The following PTPN21 variants were observed in gnomAD, a reference collection of about 807,000 sequenced individuals.
PTPN21 encodes the protein protein tyrosine phosphatase non-receptor type 21.
A neutral mutation model predicts 131.8 loss-of-function variants in PTPN21; 77 were observed. The observed-to-expected ratio is 0.58, with a 90% confidence interval of 0.49 to 0.71. The LOEUF (loss-of-function observed/expected upper bound fraction) is 0.71, where lower values mean the gene tolerates loss of function less well. Ranked by LOEUF, PTPN21 falls within the 30% of genes least tolerant of loss-of-function variation. The pLI is 0.00. For missense variants in PTPN21, 1,552 were observed against 1,527.1 expected (o/e 1.02, Z -0.27); for synonymous variants, 715 against 621.3 (o/e 1.15, Z -2.24).
At chr14:88,523,107 C>G (rs762054304) in intron 2 of PTPN21, among the ~76,000 whole-genome samples, 4 of 152,112 alleles carry the variant, frequency 2.6e-5, no homozygotes, top group African/African-American at 7.2e-5. Flanking sequence ...TATAGGCCAG[C>G]ATTACCCCAA....
intron 10 of PTPN21, among the ~76,000 whole-genome samples, chr14:88,494,471 C>A (rs942517690): frequency 6.6e-6 from 1 of 151,818 alleles, no homozygotes; most frequent in East Asian, 1.9e-4. Flanking sequence ...AGTTTGAGAC[C>A]GGTGTGGGTA....
chr14:88,551,429 C>T (rs1395252502), intron 1 of PTPN21: 1 of 152,368 alleles, frequency 6.6e-6, no homozygotes, highest in Non-Finnish European at 1.5e-5. Context: ...AGCACTCAGG[C>T]CCCGGCTTCT....
At chr14:88,490,025 T>C (rs78091916) in intron 10 of PTPN21, among the ~76,000 whole-genome samples, 1 of 151,638 alleles carries the variant, frequency 6.6e-6, no homozygotes, top group Non-Finnish European at 1.5e-5. Flanking sequence ...TTTTTTTTTT[T>C]GGAGATGGAG....
In PTPN21 at chr14:88,469,134, G is replaced by T; in HGVS notation, c.3236-58C>A. The stretch of plus-strand genomic sequence containing the variant: ...AAGGATCAAGGCGTATCACATTGTT[G>T]ACTCAATCTTCATATTCTCTCCACT... On this transcript the variant is annotated intron_variant, in intron 17 of 18. Transcript: ENST00000556564. The surrounding 1 kb of genome is among the most constrained non-coding windows in gnomAD (Gnocchi z 4.3). The T allele has an allele frequency of 6.5e-7, 1 of 1,530,688 alleles. No individual in the cohort carries two copies. Among genetic ancestry groups the T allele is most frequent in the South Asian group, 1.2e-5 (1 of 81,144 alleles). 94.8% of individuals were successfully genotyped at this position (1,530,688 alleles called of 1,614,324 possible). A position where few individuals can be genotyped will look rare whatever the true frequency, so the allele number is the denominator to read the frequency against.
chr14:88,502,433 C>T (rs1346388317), intron 6 of PTPN21, among the ~76,000 whole-genome samples: 2 of 152,180 alleles, frequency 1.3e-5, no homozygotes, highest in African/African-American at 4.8e-5. Context: ...AGTCCCAACA[C>T]ATTCCGCCCA....
intron 2 of PTPN21, among the ~76,000 whole-genome samples, chr14:88,527,446 TA>T (rs2078495912): frequency 2.6e-5 from 4 of 152,218 alleles, no homozygotes; most frequent in Non-Finnish European, 4.4e-5. Context: ...GGGCCATTTG[TA>T]TATCTTCTTT....
At chr14:88,532,655 G>A (rs182595326) in intron 2 of PTPN21, among the ~76,000 whole-genome samples, 4 of 152,002 alleles carry the variant, frequency 2.6e-5, no homozygotes, top group East Asian at 1.9e-4. Context: ...TGAGTTTAGC[G>A]ATTTGGTAAT....
In PTPN21 at chr14:88,467,980, G is replaced by C. The variant is rs2077390990; in HGVS notation, c.*157C>G. 2.1e-6 allele frequency: 2 copies of C among 964,660 alleles called. No individual in the cohort carries two copies. Among genetic ancestry groups the C allele is most frequent in the Admixed American group, 4.5e-5 (2 of 44,698 alleles). 59.8% of individuals were successfully genotyped at this position (964,660 alleles called of 1,614,324 possible). On this transcript the variant is annotated 3_prime_UTR_variant, in exon 19 of 19. Coordinates refer to ENST00000556564, the MANE Select transcript of PTPN21 (RefSeq NM_007039.4). ...CCCCTCTTCAGCCTGTGCTTCGCAC[G>C]TTTCCTTCAGCGTGCCGCCATTCAG... is the stretch of plus-strand genomic sequence containing the variant.
intron 2 of PTPN21, among the ~76,000 whole-genome samples, chr14:88,520,144 G>C (rs759343241): frequency 2.0e-5 from 3 of 152,180 alleles, no homozygotes; most frequent in Non-Finnish European, 4.4e-5. Flanking sequence ...GGCTGGGTGT[G>C]GTGGCACACA....
intron 3 of PTPN21, among the ~76,000 whole-genome samples, chr14:88,508,238 T>C (rs1672130069): frequency 6.6e-6 from 1 of 151,636 alleles, no homozygotes; most frequent in Non-Finnish European, 1.5e-5. Flanking sequence ...AGCGTCAACC[T>C]TCCTAAGCTT....
rs1477921858 is a variant in PTPN21 at position 88,479,452 on chromosome 14, G to A, written c.1979C>T (p.Ser660Leu). Residue 660 changes from serine to leucine, a missense_variant, in exon 13 of 19, where the codon TCG (serine) becomes TTG (leucine). Ser to Leu is a moderately radical substitution (Grantham distance 145). Coordinates refer to ENST00000556564, the MANE Select transcript of PTPN21 (RefSeq NM_007039.4). The stretch of plus-strand genomic sequence containing the variant: ...GGCTCGCGGCGCCACCTCTGCCGCC[G>A]ACGCGGATAGGGTGCGCTCCTTGAG... ...LRLKERTLSA[S>L]AAEVAPRAVS... 1 of 1,602,112 alleles carries A rather than the reference G, an allele frequency of 6.2e-7. No individual in the cohort carries two copies. The highest frequency in any genetic ancestry group is 2.2e-5 in the East Asian group (1 of 44,758).
chr14:88,508,222 C>G (rs1418266748), intron 3 of PTPN21, among the ~76,000 whole-genome samples: 1 of 150,942 alleles, frequency 6.6e-6, no homozygotes, highest in Non-Finnish European at 1.5e-5. Flanking sequence ...GATTACTGCT[C>G]ACTGTAGCGT....
intron 10 of PTPN21, among the ~76,000 whole-genome samples, chr14:88,495,301 C>T (rs2140122214): frequency 6.6e-6 from 1 of 152,252 alleles, no homozygotes; most frequent in Non-Finnish European, 1.5e-5. Flanking sequence ...ATATATTCAC[C>T]ACAACTTTCA....
chr14:88,516,362 C>T (rs996184883), intron 3 of PTPN21, among the ~76,000 whole-genome samples: 3 of 151,956 alleles, frequency 2.0e-5, no homozygotes, highest in African/African-American at 7.3e-5. Flanking sequence ...GTTTCGGGCC[C>T]TTGAAGTAGC....
chr14:88,546,230 G>A (rs777717684), intron 2 of PTPN21, among the ~76,000 whole-genome samples: 27 of 151,442 alleles, frequency 1.8e-4, no homozygotes, highest in Non-Finnish European at 3.1e-4. Flanking sequence ...GAAACCCCTG[G>A]GTATAGTGTT....
At position 88,479,496 on chromosome 14, in the gene PTPN21, G is replaced by A. The variant is rs775546063; in HGVS notation, c.1935C>T (p.His645=). 5.0e-6 allele frequency: 8 copies of A among 1,601,386 alleles called. No individual in the cohort carries two copies. In the East Asian group the frequency reaches 1.6e-4, roughly 31 times the overall value. Residue 645 remains histidine (H), a synonymous_variant, in exon 13 of 19, where the codon CAC becomes CAT. Transcript: ENST00000556564. ...RNSIEVAGLS[H]GLEGLRLKER... ...CCTTGAGCCGCAGGCCCTCCAGGCC[G>A]TGGCTGAGCCCGGCCACCTCGATGC...
chr14:88,485,644 C>T (rs778492791), intron 11 of PTPN21, 138 bp downstream of exon 11: 5 of 527,012 alleles, frequency 9.5e-6, no homozygotes, highest in Non-Finnish European at 1.6e-5. Context: ...AAAAAATTAC[C>T]ATTTCTTTGG....
At chr14:88,501,877 T>C (rs2078014059) in intron 6 of PTPN21, among the ~76,000 whole-genome samples, 1 of 151,548 alleles carries the variant, frequency 6.6e-6, no homozygotes, top group Admixed American at 6.6e-5. Context: ...CCCAGCAGCT[T>C]GGAAGGCTGA....
intron 10 of PTPN21, among the ~76,000 whole-genome samples, chr14:88,495,541 TC>T (rs2077898695): frequency 1.3e-5 from 2 of 152,226 alleles, no homozygotes; most frequent in South Asian, 4.2e-4. Flanking sequence ...ATGCCTGTAA[TC>T]CCAGCTACTC....
Sources: gnomAD v4.1 joint callset for allele counts (sites outside exome capture counted in the v4.1 genomes callset) on GRCh38, gnomAD v4.1.1 for gene constraint, Gnocchi (gnomAD v3.1) non-coding constraint, MANE v1.5 for transcripts, NCBI Gene and HGNC (gene_info 2026-07-23, HGNC 2026-07-21) for gene names.